Variants in COL4A1 observed in about 807,000 individuals in gnomAD.
COL4A1 encodes the protein collagen type IV alpha 1 chain.
COL4A1 carries 40 observed loss-of-function variants against 216.6 expected under a neutral mutation model. The ratio of observed to expected loss-of-function variants is 0.18; its 90% CI spans 0.14 to 0.24. The LOEUF is 0.24. Ranked by LOEUF, COL4A1 falls within the 10% of genes least tolerant of loss-of-function variation. The probability of loss-of-function intolerance (pLI) is 1.00; values close to 1 mark genes in which losing one functional copy is unlikely to be tolerated. For missense variants in COL4A1, 1,628 were observed against 2,196.8 expected, an observed-to-expected ratio of 0.74 and a Z score of 5.18; for synonymous variants, 839 against 810.7, an observed-to-expected ratio of 1.03 and a Z score of -0.59.
intron 41 of COL4A1, among the ~76,000 whole-genome samples, chr13:110,171,377 A>G (rs1283265150): frequency 3.3e-5 from 5 of 152,164 alleles, no homozygotes; most frequent in African/African-American, 1.2e-4. Flanking sequence ...TTTGCCTGCT[A>G]TCTAGAATGT....
chr13:110,304,172 T>C (rs537640570), intron 1 of COL4A1, among the ~76,000 whole-genome samples: 9 of 152,278 alleles, frequency 5.9e-5, no homozygotes, highest in East Asian at 1.9e-4. Context: ...CTTGCAGATA[T>C]AAGGAATAGC....
chr13:110,295,584 C>A (rs1247116344), intron 1 of COL4A1, among the ~76,000 whole-genome samples: 1 of 152,080 alleles, frequency 6.6e-6, no homozygotes, highest in Non-Finnish European at 1.5e-5. Context: ...CGCCACCACG[C>A]CTAGCCAATT....
intron 24 of COL4A1, among the ~76,000 whole-genome samples, chr13:110,188,138 A>G (rs1275525021): frequency 6.6e-6 from 1 of 152,256 alleles, no homozygotes; most frequent in Non-Finnish European, 1.5e-5. Context: ...CAAGAAAAAC[A>G]GAAAATGTTT....
intron 1 of COL4A1, among the ~76,000 whole-genome samples, chr13:110,283,735 T>G (rs982722654): frequency 1.3e-5 from 2 of 152,200 alleles, no homozygotes; most frequent in Non-Finnish European, 2.9e-5. Context: ...TGAGCTCATC[T>G]GGGGCTCACC....
rs1879541001 is a variant in COL4A1, at chr13:110,206,858, T to G, written c.807+7A>C. On this transcript the variant is annotated splice_region_variant and intron_variant, in intron 14 of 51. Transcript: ENST00000375820. ...CTAAAAATGATAGGCAGAAACTGAG[T>G]ACTGACCTGAAATCCAGGTTCACCT... 1 of 1,613,898 alleles carries G rather than the reference T, an allele frequency of 6.2e-7. No homozygotes were observed. Among genetic ancestry groups the G allele is most frequent in the Admixed American group, 1.7e-5 (1 of 59,984 alleles).
At chr13:110,305,110 C>T (rs1251359340) in intron 1 of COL4A1, among the ~76,000 whole-genome samples, 2 of 152,174 alleles carry the variant, frequency 1.3e-5, no homozygotes, top group Non-Finnish European at 2.9e-5. Context: ...CATACATCAT[C>T]TGCACATTAA....
intron 1 of COL4A1, among the ~76,000 whole-genome samples, chr13:110,297,121 C>T (rs1884306025): frequency 6.6e-6 from 1 of 152,194 alleles, no homozygotes; most frequent in Non-Finnish European, 1.5e-5. Context: ...TTAACTCAAC[C>T]TCCTACACGG....
intron 2 of COL4A1, among the ~76,000 whole-genome samples, chr13:110,241,231 C>A (rs965472981): frequency 1.3e-5 from 2 of 152,146 alleles, no homozygotes; most frequent in Non-Finnish European, 1.5e-5. Flanking sequence ...AGCTCCAGAG[C>A]CAGGAGGGGC....
rs1883143756 is a variant in COL4A1 at position 110,268,990 on chromosome 13, C to A, written c.85-26256G>T. ...GCGCACCTCCACACGCCTTGCAGCA[C>A]CACGGCCCACCTCTTGGCGCACGGA... On this transcript the variant is annotated intron_variant, in intron 1 of 51. Coordinates refer to ENST00000375820, the MANE Select transcript of COL4A1 (RefSeq NM_001845.6). The surrounding 1 kb of genome is among the most constrained non-coding windows in gnomAD (Gnocchi z 4.1). Among the ~76,000 whole-genome samples, 2 of 151,148 alleles carry A rather than the reference C, an allele frequency of 1.3e-5. No homozygotes were observed. The highest frequency in any genetic ancestry group is 4.2e-4 in the South Asian group (2 of 4,754).
chr13:110,306,185 C>T (rs1884696947), intron 1 of COL4A1, among the ~76,000 whole-genome samples: 1 of 152,114 alleles, frequency 6.6e-6, no homozygotes, highest in South Asian at 2.1e-4. Flanking sequence ...TGGGCAAGCA[C>T]ATAACCAAAG....
In COL4A1 at chr13:110,232,388, C is replaced by T. The variant is rs867230588; in HGVS notation, c.144+10287G>A. On this transcript the variant is annotated intron_variant, in intron 2 of 51. Coordinates refer to ENST00000375820, the MANE Select transcript of COL4A1 (RefSeq NM_001845.6). Reference sequence around the variant, plus strand: ...TAATACCATTTTTGAGCGTGCAGTTCTCCACACCCACACTACCTAATTATC... The same window carrying T: ...TAATACCATTTTTGAGCGTGCAGTTTTCCACACCCACACTACCTAATTATC... 4.6e-5 allele frequency among the ~76,000 whole-genome samples: 7 copies of T among 152,206 alleles called. 1 individual carries two copies. The highest frequency in any genetic ancestry group is 6.3e-3 in the Middle Eastern group (2 of 316).
intron 1 of COL4A1, among the ~76,000 whole-genome samples, chr13:110,253,282 T>C (rs1392164988): frequency 2.4e-5 from 3 of 123,998 alleles, no homozygotes; most frequent in African/African-American, 8.9e-5. Flanking sequence ...TATAATTATA[T>C]GTATTACATA....
At chr13:110,197,200 A>C (rs1035252122) in intron 21 of COL4A1, among the ~76,000 whole-genome samples, 6 of 143,210 alleles carry the variant, frequency 4.2e-5, no homozygotes, top group South Asian at 5.1e-4. Context: ...TAAAACCACA[A>C]TCCCCTGCCC....
At chr13:110,172,005 G>A (rs1038243345) in intron 41 of COL4A1, among the ~76,000 whole-genome samples, 1 of 152,246 alleles carries the variant, frequency 6.6e-6, no homozygotes, top group African/African-American at 2.4e-5. Context: ...GAACCAGGGG[G>A]TGGGAGAAAC....
chr13:110,222,530 T>G (rs372457824), intron 2 of COL4A1, among the ~76,000 whole-genome samples: 1 of 150,666 alleles, frequency 6.6e-6, no homozygotes, highest in Non-Finnish European at 1.5e-5. Context: ...TCCTAGCACT[T>G]TGGGAGGCCG....
rs894312589 is a variant in COL4A1 at position 110,150,489 on chromosome 13, C to T, written c.4929-45G>A. Reference sequence around the variant, plus strand: ...CAGACCATTGGCCATCATCTCACAGCACGTCAGAAACATGGCACTCCTGCC... The same window carrying T: ...CAGACCATTGGCCATCATCTCACAGTACGTCAGAAACATGGCACTCCTGCC... On this transcript the variant is annotated intron_variant, in intron 51 of 51. Transcript: ENST00000375820. 4.4e-6 allele frequency: 7 copies of T among 1,584,694 alleles called. No homozygotes were observed. In the African/African-American group the frequency reaches 8.1e-5, roughly 18 times the overall value.
At chr13:110,190,120 A>G (rs1246703589) in intron 24 of COL4A1, among the ~76,000 whole-genome samples, 9 of 152,128 alleles carry the variant, frequency 5.9e-5, no homozygotes, top group Non-Finnish European at 2.9e-5. Flanking sequence ...TATTTTAACA[A>G]TGATGACCTT....
chr13:110,200,513 C>G (rs2139189818), intron 20 of COL4A1, among the ~76,000 whole-genome samples: 1 of 152,208 alleles, frequency 6.6e-6, no homozygotes, highest in East Asian at 1.9e-4. Context: ...AGAATCGGGG[C>G]TCTGTGGAAA....
intron 1 of COL4A1, among the ~76,000 whole-genome samples, chr13:110,278,961 T>C (rs1285695237): frequency 6.6e-6 from 1 of 152,200 alleles, no homozygotes; most frequent in Non-Finnish European, 1.5e-5. Context: ...TCTAGGACTA[T>C]GATGAAACCC....
Sources: allele counts gnomAD v4.1 joint callset (sites outside exome capture counted in the v4.1 genomes callset), GRCh38; gene constraint gnomAD v4.1.1; non-coding constraint Gnocchi (gnomAD v3.1); transcripts MANE v1.5; gene names NCBI Gene and HGNC (gene_info 2026-07-23, HGNC 2026-07-21).